ACSL6: variants seen among roughly 807,000 people sequenced by gnomAD.
ACSL6 encodes acyl-CoA synthetase long chain family member 6.
ACSL6 carries 47 observed loss-of-function variants against 98.2 expected under a neutral mutation model. That is an observed-to-expected ratio of 0.48 (90% CI 0.38 to 0.61). The LOEUF (loss-of-function observed/expected upper bound fraction) is 0.61. Among genes scored for constraint, ACSL6 ranks in the 20% least tolerant of loss-of-function variants. The pLI, the probability that ACSL6 is intolerant of heterozygous loss-of-function variation, is 0.00. For missense variants in ACSL6, 761 were observed against 913.4 expected (o/e 0.83, Z 2.15); for synonymous variants, 362 against 336.9 (o/e 1.07, Z -0.82).
intron 15 of ACSL6, among the ~76,000 whole-genome samples, chr5:131,968,567 C>G (rs1268157142): frequency 6.6e-6 from 1 of 152,198 alleles, no homozygotes; most frequent in Non-Finnish European, 1.5e-5. Flanking sequence ...GGCGATGCTG[C>G]TGCTGGTCCC....
upstream of ACSL6, chr5:132,011,983 C>G: frequency 6.6e-7 from 1 of 1,507,850 alleles, no homozygotes; most frequent in Non-Finnish European, 8.9e-7. The surrounding 1 kb of genome is among the most constrained non-coding windows in gnomAD (Gnocchi z 5.4). Context: ...ACATTGAGCC[C>G]ACCCCGCCGC....
At chr5:131,954,876 C>A (rs1259365636) in intron 20 of ACSL6, among the ~76,000 whole-genome samples, 1 of 152,026 alleles carries the variant, frequency 6.6e-6, no homozygotes, top group African/African-American at 2.4e-5. Context: ...AGAGGCAACA[C>A]CAAAACAAAG....
At chr5:131,974,855 G>C (rs940816924) in intron 11 of ACSL6, 38 bp downstream of exon 11, 2 of 1,613,876 alleles carry the variant, frequency 1.2e-6, no homozygotes. Context: ...AAAAGAAGGA[G>C]CCCAGGCAAG....
intron 20 of ACSL6, among the ~76,000 whole-genome samples, chr5:131,959,288 C>G (rs1311433514): frequency 6.6e-6 from 1 of 152,210 alleles, no homozygotes; most frequent in African/African-American, 2.4e-5. Flanking sequence ...TTACTAGTGA[C>G]AGCTAGGGTA....
chr5:132,008,544 C>T (rs1755540958), intron 1 of ACSL6, among the ~76,000 whole-genome samples: 1 of 152,208 alleles, frequency 6.6e-6, no homozygotes, highest in Non-Finnish European at 1.5e-5. Context: ...CCTCCTACTA[C>T]CCTCCTGGAC....
At chr5:131,963,868 G>A (rs1441229642) in intron 17 of ACSL6, among the ~76,000 whole-genome samples, 1 of 152,250 alleles carries the variant, frequency 6.6e-6, no homozygotes, top group South Asian at 2.1e-4. Flanking sequence ...GGTCCTCATG[G>A]TCCATTAGCT....
At chr5:131,981,301 CA>C (rs1753875132) in intron 9 of ACSL6, among the ~76,000 whole-genome samples, 3 of 147,002 alleles carry the variant, frequency 2.0e-5, no homozygotes, top group African/African-American at 7.6e-5. Context: ...TGCTCCCTGC[CA>C]TACCTTCATA....
At position 131,966,416 on chromosome 5, in the gene ACSL6, C is replaced by A; in HGVS notation, c.1713G>T (p.Pro571=). ...LHTGDIGKWL[P]AGTLKIIDRK... is the part of the protein sequence containing the mutation. ...GCTCCGTGGTTCCAAACATACACACCGGCAGCCATTTTCCGATGTCTCCAG... is the reference window on the plus strand; with the variant it reads ...GCTCCGTGGTTCCAAACATACACACAGGCAGCCATTTTCCGATGTCTCCAG... The change falls in exon 17 of 21, where the codon CCG becomes CCT. Residue 571 remains proline (P), a splice_region_variant and synonymous_variant. Coordinates refer to ENST00000651883, the MANE Select transcript of ACSL6 (RefSeq NM_001009185.3). The A allele has an allele frequency of 6.2e-7, 1 of 1,614,062 alleles. No individual in the cohort carries two copies. Among genetic ancestry groups the A allele is most frequent in the Middle Eastern group, 1.7e-4 (1 of 6,004 alleles).
chr5:131,990,228 G>A (rs1022363546), intron 3 of ACSL6, 64 bp from the exon 4 acceptor site: 35 of 1,539,154 alleles, frequency 2.3e-5, no homozygotes, highest in African/African-American at 1.2e-4. Context: ...ACCTGCATCC[G>A]CCCATCAGAA....
intron 11 of ACSL6, among the ~76,000 whole-genome samples, chr5:131,974,390 A>C (rs1406680709): frequency 6.6e-6 from 1 of 152,184 alleles, no homozygotes; most frequent in Non-Finnish European, 1.5e-5. Flanking sequence ...CTCTTTTAGG[A>C]GTTTGTGAAT....
intron 10 of ACSL6, 61 bp from the exon 11 acceptor site, chr5:131,975,031 G>T: frequency 6.4e-7 from 1 of 1,572,246 alleles, no homozygotes; most frequent in South Asian, 1.2e-5. Flanking sequence ...GACGACAAGA[G>T]AATCATAAAA....
chr5:131,960,642 G>A (rs1752659088), intron 18 of ACSL6, 21 bp from the exon 19 acceptor site: 3 of 1,591,950 alleles, frequency 1.9e-6, no homozygotes, highest in Non-Finnish European at 2.6e-6. Context: ...CACCAAAGGA[G>A]AACACAGTCA....
chr5:131,976,595 G>T, intron 10 of ACSL6, 53 bp downstream of exon 10: 1 of 1,440,380 alleles, frequency 6.9e-7, no homozygotes, highest in Non-Finnish European at 9.7e-7. Context: ...AATCCTCTGA[G>T]GCTTGAGGTT....
intron 1 of ACSL6, among the ~76,000 whole-genome samples, chr5:132,004,764 G>C (rs1315554662): frequency 2.0e-5 from 3 of 152,160 alleles, no homozygotes; most frequent in African/African-American, 7.2e-5. Context: ...CTACTGGATG[G>C]GGGAAGGCCC....
chr5:131,972,572 T>G (rs1753370569), intron 13 of ACSL6, 152 bp downstream of exon 13: 1 of 1,009,808 alleles, frequency 9.9e-7, no homozygotes, highest in East Asian at 2.5e-5. Flanking sequence ...AAGTTTAAAA[T>G]TTCAATCATA....
At chr5:131,959,764 C>A in intron 19 of ACSL6, 157 bp from the exon 20 acceptor site, 3 of 666,176 alleles carry the variant, frequency 4.5e-6, no homozygotes, top group South Asian at 3.6e-5. Flanking sequence ...GGCAACACTC[C>A]AATTACCACC....
chr5:131,973,291 C>T lies in ACSL6; in HGVS notation c.1178G>A (p.Arg393Gln), dbSNP rs771229984. The stretch of plus-strand genomic sequence containing the variant: ...CTTGTCGTACATCCGGTTCAGCAGT[C>T]GTGGGACCACAGGGAAGATGGTGGG... ...LCPTIFPVVP[R>Q]LLNRMYDKIF... is the part of the protein sequence containing the mutation. Residue 393 changes from arginine to glutamine, a missense_variant, in exon 12 of 21, where the codon CGA (arginine) becomes CAA (glutamine). By Grantham distance (43) the Arg-to-Gln change is conservative. Transcript: ENST00000651883. 5.6e-6 allele frequency: 9 copies of T among 1,614,096 alleles called. No individual in the cohort carries two copies. Among genetic ancestry groups the T allele is most frequent in the East Asian group, 4.5e-5 (2 of 44,878 alleles).
intron 13 of ACSL6, among the ~76,000 whole-genome samples, chr5:131,971,972 C>T (rs1163079976): frequency 6.6e-6 from 1 of 152,184 alleles, no homozygotes; most frequent in African/African-American, 2.4e-5. Context: ...CCGTCACTCT[C>T]CCATCATTGA....
chr5:131,989,960 C>G, intron 4 of ACSL6, 140 bp downstream of exon 4: 1 of 881,582 alleles, frequency 1.1e-6, no homozygotes, highest in East Asian at 2.7e-5. Context: ...CCCTTCAAGG[C>G]TGTTGCCAGG....
Sources: allele counts gnomAD v4.1 joint callset (sites outside exome capture counted in the v4.1 genomes callset), GRCh38; gene constraint gnomAD v4.1.1; non-coding constraint Gnocchi (gnomAD v3.1); transcripts MANE v1.5; gene names NCBI Gene and HGNC (gene_info 2026-07-23, HGNC 2026-07-21).